MAN2B2: variants seen among roughly 807,000 people sequenced by gnomAD.
The protein encoded by MAN2B2 is epididymis-specific alpha-mannosidase.
In MAN2B2, 106 loss-of-function variants were observed where a neutral mutation model predicts 117.1. That is an observed-to-expected ratio of 0.90 (90% CI 0.77 to 1.06). The LOEUF (loss-of-function observed/expected upper bound fraction) is 1.06. Among genes scored for constraint, MAN2B2 ranks in the 50% least tolerant of loss-of-function variants. The pLI, the probability that MAN2B2 is intolerant of heterozygous loss-of-function variation, is 0.00. For synonymous variants in MAN2B2, 544 were observed against 595.1 expected (o/e 0.91, Z 1.25); for missense variants, 1,326 against 1,381.4 (o/e 0.96, Z 0.64).
intron 5 of MAN2B2, among the ~76,000 whole-genome samples, chr4:6,592,568 C>A (rs6446512): frequency 0.57 from 86,100 of 152,000 alleles, 25,005 homozygotes; most frequent in African/African-American, 0.7. Context: ...CATATCACTG[C>A]ACTCCAGCCT....
At chr4:6,615,355 G>A (rs1479265939) in intron 16 of MAN2B2, among the ~76,000 whole-genome samples, 1 of 152,158 alleles carries the variant, frequency 6.6e-6, no homozygotes, top group East Asian at 1.9e-4. Flanking sequence ...GGACACAGGA[G>A]GCCTTCCCTG....
chr4:6,586,926 G>T lies in MAN2B2; in HGVS notation c.392-70G>T, dbSNP rs1396870456. The T allele has an allele frequency of 1.1e-5, 16 of 1,488,360 alleles. No individual in the cohort carries two copies. The African/African-American group carries it at 1.4e-4, about 13-fold the overall frequency. The allele number at this position is 1,488,360 out of a possible 1,614,324, so 92.2% of individuals were successfully genotyped here. On this transcript the variant is annotated intron_variant, in intron 3 of 18. Transcript: ENST00000285599. ...ACCCACTGGATAGGCAGGGTCCCCT[G>T]GGGTGAGGATGGGGCCGGGAGGCAC...
At chr4:6,581,905 A>G (rs553511428) in intron 3 of MAN2B2, among the ~76,000 whole-genome samples, 1 of 152,080 alleles carries the variant, frequency 6.6e-6, no homozygotes, top group South Asian at 2.1e-4. Context: ...TAGTGAGGGG[A>G]AAAGCATTTG....
intron 13 of MAN2B2, 114 bp downstream of exon 13, chr4:6,610,164 T>A: frequency 6.9e-7 from 1 of 1,446,588 alleles, no homozygotes. Context: ...AATGTTTTTT[T>A]CCTTTTTTTT....
chr4:6,610,801 C>G, intron 13 of MAN2B2, 79 bp from the exon 14 acceptor site: 1 of 1,222,566 alleles, frequency 8.2e-7, no homozygotes, highest in South Asian at 1.2e-5. Context: ...GGAGCACCAG[C>G]TGGGGTGGCC....
chr4:6,600,717 C>G lies in MAN2B2; in HGVS notation c.1500C>G (p.Val500=). The stretch of plus-strand genomic sequence containing the variant: ...CCCTGACTGTTGGTTTCCCTGGAGT[C>G]CGCGTCACAGATGAGGCGGGCCACC... ...IVTLTVGFPG[V]RVTDEAGHPV... is the part of the protein sequence containing the mutation. Residue 500 remains valine, a synonymous_variant, in exon 10 of 19, where the codon GTC becomes GTG. Transcript: ENST00000285599. 1 of 1,613,958 alleles carries G rather than the reference C, an allele frequency of 6.2e-7. No homozygotes were observed. Among genetic ancestry groups the G allele is most frequent in the Non-Finnish European group, 8.5e-7 (1 of 1,180,038 alleles).
rs1261930064 is a variant in MAN2B2, at chr4:6,622,478, G to A, written c.*1193G>A. 1 of 147,402 alleles carries A rather than the reference G, an allele frequency of 6.8e-6. No homozygotes were observed. Among genetic ancestry groups the A allele is most frequent in the Non-Finnish European group, 1.5e-5 (1 of 67,430 alleles). The allele number at this position is 147,402 out of a possible 1,614,324, so 9.1% of individuals were successfully genotyped here. Reference sequence around the variant, plus strand: ...TCCCGAGACAGAGTCTCACTCTGTCGCCCAGGCTGGAGTGCAGTGTCAAGA... The same window carrying A: ...TCCCGAGACAGAGTCTCACTCTGTCACCCAGGCTGGAGTGCAGTGTCAAGA... On this transcript the variant is annotated 3_prime_UTR_variant, in exon 19 of 19. Transcript: ENST00000285599.
chr4:6,609,966 C>A lies in MAN2B2; in HGVS notation c.2175C>A (p.Ser725Arg). Residue 725 changes from serine to arginine, a missense_variant, in exon 13 of 19, where the codon AGC (serine) becomes AGA (arginine). Transcript: ENST00000285599. ...AVLRTSTNLN[S>R]QQVIYSDNNG... ...TGAGGACCAGCACCAACCTAAACAG[C>A]CAGCAGGTCATCTACTCAGACAACA... The A allele has an allele frequency of 6.2e-7, 1 of 1,614,190 alleles. No homozygotes were observed. Among genetic ancestry groups the A allele is most frequent in the South Asian group, 1.1e-5 (1 of 91,090 alleles).
Position 6,609,579 on chromosome 4 carries a change from G to A in MAN2B2, c.2007-219G>A. The A allele has an allele frequency of 1.1e-5, 7 of 643,192 alleles. No individual in the cohort carries two copies. In the South Asian group the frequency reaches 1.2e-4, roughly 11 times the overall value. 39.8% of individuals were successfully genotyped at this position (643,192 alleles called of 1,614,324 possible). On this transcript the variant is annotated intron_variant, in intron 12 of 18. Transcript: ENST00000285599. Reference sequence around the variant, plus strand: ...TCTTCCATGATCAGAGCAGACGTAAGGCAGGCCCGGCATGGCAGCCCTGCG... The same window carrying A: ...TCTTCCATGATCAGAGCAGACGTAAAGCAGGCCCGGCATGGCAGCCCTGCG...
At chr4:6,609,460 G>C in intron 12 of MAN2B2, 162 bp downstream of exon 12, 1 of 729,440 alleles carries the variant, frequency 1.4e-6, no homozygotes, top group Non-Finnish European at 2.2e-6. Context: ...TCTGCATGCT[G>C]GCTGCGTTTG....
chr4:6,588,738 C>T lies in MAN2B2; in HGVS notation c.565-307C>T, dbSNP rs181563052. 1.8e-3 allele frequency among the ~76,000 whole-genome samples: 281 copies of T among 152,152 alleles called. 4 individuals carry two copies. Among genetic ancestry groups the T allele is most frequent in the Non-Finnish European group, 5.9e-4 (40 of 68,002 alleles). ...ATAAAAAATAAAAAAATAAACTGCACACTTGGTGAGAAGTAATGAGCTTCC... is the reference window on the plus strand; with the variant it reads ...ATAAAAAATAAAAAAATAAACTGCATACTTGGTGAGAAGTAATGAGCTTCC... On this transcript the variant is annotated intron_variant, in intron 4 of 18. Coordinates refer to ENST00000285599, the MANE Select transcript of MAN2B2 (RefSeq NM_015274.3).
intron 12 of MAN2B2, chr4:6,609,510 C>G (rs1727682932): frequency 3.2e-6 from 2 of 632,726 alleles, no homozygotes; most frequent in Non-Finnish European, 5.4e-6. Context: ...AAGTTCAGAG[C>G]TGGGAGAGAG....
rs992923562 is a variant in MAN2B2 at position 6,622,031 on chromosome 4, C to T, written c.*746C>T. The T allele has an allele frequency of 6.6e-6, 1 of 152,246 alleles. No homozygotes were observed. The highest frequency in any genetic ancestry group is 2.4e-5 in the African/African-American group (1 of 41,442). 9.4% of individuals were successfully genotyped at this position (152,246 alleles called of 1,614,324 possible). ...ATAGCAGCATTACTCAAAAGTCAAA[C>T]GGTAGCAACAACCCAAATGTCCATC... On this transcript the variant is annotated 3_prime_UTR_variant, in exon 19 of 19. Transcript: ENST00000285599.
rs780044508 is a variant in MAN2B2 at position 6,576,585 on chromosome 4, T to G, written c.146T>G (p.Met49Arg). ...ATGCTGTCCCCTCCCCAGGAAAGCA[T>G]GCGGGCGTACGCCGCCAATGTCTAC... ...VGWVYTVQES[M>R]RAYAANVYTS... Residue 49 changes from methionine (M) to arginine (R), a missense_variant, in exon 2 of 19, where the codon ATG (methionine) becomes AGG (arginine). Coordinates refer to ENST00000285599, the MANE Select transcript of MAN2B2 (RefSeq NM_015274.3). 1.2e-6 allele frequency: 2 copies of G among 1,608,506 alleles called. No individual in the cohort carries two copies. Among genetic ancestry groups the G allele is most frequent in the South Asian group, 1.1e-5 (1 of 90,980 alleles).
intron 3 of MAN2B2, among the ~76,000 whole-genome samples, chr4:6,579,471 A>G (rs1386690100): frequency 1.4e-5 from 2 of 139,972 alleles, no homozygotes; most frequent in African/African-American, 5.5e-5. Flanking sequence ...CACCACCACA[A>G]TGACCATCAC....
intron 5 of MAN2B2, among the ~76,000 whole-genome samples, chr4:6,592,783 T>C (rs1726906504): frequency 6.6e-6 from 1 of 152,200 alleles, no homozygotes; most frequent in Non-Finnish European, 1.5e-5. Context: ...TGAGCCTGTC[T>C]TTATTTAAAA....
chr4:6,592,683 C>A (rs1209866068), intron 5 of MAN2B2, among the ~76,000 whole-genome samples: 4 of 152,128 alleles, frequency 2.6e-5, no homozygotes, highest in East Asian at 1.9e-4. Flanking sequence ...GGCTGCTACC[C>A]CGAGGCTGCA....
intron 18 of MAN2B2, chr4:6,620,531 C>T (rs868648223): frequency 1.2e-4 from 22 of 177,394 alleles, no homozygotes; most frequent in African/African-American, 5.0e-4. Context: ...AGGATGCCTC[C>T]CCAGAGTCAC....
chr4:6,593,031 T>C (rs1726915397), intron 5 of MAN2B2, 142 bp from the exon 6 acceptor site: 1 of 740,314 alleles, frequency 1.4e-6, no homozygotes, highest in African/African-American at 1.8e-5. Flanking sequence ...TGACCCACCG[T>C]CGGTCATGGA....
Sources: gnomAD v4.1 joint callset for allele counts (sites outside exome capture counted in the v4.1 genomes callset) on GRCh38, gnomAD v4.1.1 for gene constraint, MANE v1.5 for transcripts, NCBI Gene and HGNC (gene_info 2026-07-23, HGNC 2026-07-21) for gene names.